SIAH1: variants seen among roughly 807,000 people sequenced by gnomAD.
SIAH1 encodes siah E3 ubiquitin protein ligase 1.
Under a neutral mutation model 20.0 loss-of-function variants are expected in SIAH1, and 2 were observed. The ratio of observed to expected loss-of-function variants is 0.10; its 90% CI spans 0.04 to 0.31. The LOEUF is 0.31. SIAH1 is among the 10% of genes least tolerant of loss of function. The probability of loss-of-function intolerance (pLI) is 1.00; values close to 1 mark genes in which losing one functional copy is unlikely to be tolerated. For synonymous variants in SIAH1, 118 were observed against 125.3 expected (o/e 0.94, Z 0.39); for missense variants, 119 against 355.3 (o/e 0.33, Z 5.35).
In SIAH1 at chr16:48,361,241, A is replaced by T; in HGVS notation, c.*339T>A. 1 of 268,794 alleles carries T rather than the reference A, an allele frequency of 3.7e-6. No homozygotes were observed. The highest frequency in any genetic ancestry group is 2.2e-5 in the African/African-American group (1 of 44,486). 16.7% of individuals were successfully genotyped at this position (268,794 alleles called of 1,614,324 possible). ...CACGCACACACCCACGCAGGCACAC[A>T]CTCCCACGCAAAAACAAACTTTTTC... On this transcript the variant is annotated 3_prime_UTR_variant, in exon 2 of 2. Coordinates refer to ENST00000394725, the MANE Select transcript of SIAH1 (RefSeq NM_003031.4).
rs746228969 is a variant in SIAH1 at position 48,360,969 on chromosome 16, C to T, written c.*611G>A. 7.9e-5 allele frequency: 12 copies of T among 151,900 alleles called. No individual in the cohort carries two copies. The highest frequency in any genetic ancestry group is 2.4e-4 in the African/African-American group (10 of 41,400). The allele number at this position is 151,900 out of a possible 1,614,324, so 9.4% of individuals were successfully genotyped here. A position where few individuals can be genotyped will look rare whatever the true frequency, so the allele number is the denominator to read the frequency against. ...ATGGGGGAAAAGAAAATATTGAACACGTTATAAATTTTTTACCATAAACAA... is the reference window on the plus strand; with the variant it reads ...ATGGGGGAAAAGAAAATATTGAACATGTTATAAATTTTTTACCATAAACAA... On this transcript the variant is annotated 3_prime_UTR_variant, in exon 2 of 2. Transcript: ENST00000394725.
intron 1 of SIAH1, among the ~76,000 whole-genome samples, chr16:48,368,990 T>C (rs1157091329): frequency 1.3e-5 from 2 of 152,204 alleles, no homozygotes; most frequent in African/African-American, 2.4e-5. Flanking sequence ...GCAGGTATTA[T>C]GTAGAAAATG....
chr16:48,365,738 T>G (rs1960810374), intron 1 of SIAH1: 1 of 1,377,612 alleles, frequency 7.3e-7, no homozygotes, highest in Non-Finnish European at 9.4e-7. Flanking sequence ...TCCTCCAATG[T>G]GCCCTAAGCT....
chr16:48,373,918 C>T (rs1256657170), intron 1 of SIAH1, among the ~76,000 whole-genome samples: 1 of 152,112 alleles, frequency 6.6e-6, no homozygotes, highest in Non-Finnish European at 1.5e-5. Flanking sequence ...TAGGTTGCTC[C>T]TTTGGGCCTG....
At chr16:48,370,163 A>C (rs1272868519) in intron 1 of SIAH1, among the ~76,000 whole-genome samples, 1 of 152,186 alleles carries the variant, frequency 6.6e-6, no homozygotes, top group Non-Finnish European at 1.5e-5. Context: ...AGGTATCCTC[A>C]ATCTCCAGCA....
chr16:48,384,798 C>T (rs1354548875), intron 1 of SIAH1, among the ~76,000 whole-genome samples: 6 of 150,540 alleles, frequency 4.0e-5, no homozygotes, highest in African/African-American at 9.7e-5. Context: ...GGCCGCACAC[C>T]CCGGGACCCT....
In SIAH1 at chr16:48,362,353, TC is replaced by T. The variant is rs1409745579; in HGVS notation, c.75del (p.Thr26LeufsTer82). On this transcript the variant is annotated frameshift_variant, in exon 2 of 2. Coordinates refer to ENST00000394725, the MANE Select transcript of SIAH1 (RefSeq NM_003031.4). LOFTEE classifies it high-confidence loss of function. This position sits in a 1 kb window ranked among gnomAD's most constrained non-coding sequence, Gnocchi z 4.2. The part of the protein sequence containing the change: ...KCPPSQRVPA[L>X]TGTTASNNDL... ...TCATTGTTGGATGCAGTTGTGCCAG[TC>T]AGGGCAGGCACCCTCTGGGATGGTG... 6.2e-7 allele frequency: 1 copy of T among 1,614,184 alleles called. No individual in the cohort carries two copies.
rs368653289 is a variant in SIAH1, at chr16:48,370,669, G to A, written c.-2-8239C>T. 9.9e-5 allele frequency among the ~76,000 whole-genome samples: 15 copies of A among 152,162 alleles called. No homozygotes were observed. The South Asian group carries it at 1.7e-3, about 17-fold the overall frequency. On this transcript the variant is annotated intron_variant, in intron 1 of 1. Coordinates refer to ENST00000394725, the MANE Select transcript of SIAH1 (RefSeq NM_003031.4). ...AAAATACAAAAAATTAGCCAGGCGC[G>A]GTGGCGGGCGCCTGTAGTCCCAGCT...
At chr16:48,384,846 G>A (rs1037247609) in intron 1 of SIAH1, among the ~76,000 whole-genome samples, 7 of 147,006 alleles carry the variant, frequency 4.8e-5, no homozygotes, top group Admixed American at 1.3e-4. Flanking sequence ...GGGGCGCGCC[G>A]GGCGCCACCC....
upstream of SIAH1, chr16:48,386,908 C>T (rs1185683376): frequency 1.3e-5 from 2 of 152,266 alleles, no homozygotes; most frequent in Non-Finnish European, 2.9e-5. Context: ...AACTTGCCAA[C>T]GTGGCGATTA....
chr16:48,368,422 G>A (rs749567433), intron 1 of SIAH1, among the ~76,000 whole-genome samples: 4 of 152,204 alleles, frequency 2.6e-5, no homozygotes, highest in Non-Finnish European at 5.9e-5. Context: ...ACAGCTGGGC[G>A]TGGTGGCTCA....
chr16:48,370,025 CTAAG>C (rs1279938229), intron 1 of SIAH1, among the ~76,000 whole-genome samples: 4 of 152,228 alleles, frequency 2.6e-5, no homozygotes, highest in African/African-American at 9.6e-5. Flanking sequence ...TCTCTAAGAA[CTAAG>C]TAAGCTATGC....
rs914900136 is a variant in SIAH1, at chr16:48,370,731, G to A, written c.-2-8301C>T. On this transcript the variant is annotated intron_variant, in intron 1 of 1. Transcript: ENST00000394725. ...TGAGGCAGGAGAATGGCGTGAATCCGGGAGGCGGAGCTCGAAGTGAGCCCA... is the reference window on the plus strand; with the variant it reads ...TGAGGCAGGAGAATGGCGTGAATCCAGGAGGCGGAGCTCGAAGTGAGCCCA... Among the ~76,000 whole-genome samples the A allele has an allele frequency of 4.0e-5, 6 of 151,850 alleles. No individual in the cohort carries two copies. In the South Asian group the frequency reaches 1.0e-3, roughly 26 times the overall value.
chr16:48,365,677 G>C (rs1162032946), intron 1 of SIAH1: 10 of 1,426,804 alleles, frequency 7.0e-6, no homozygotes, highest in Non-Finnish European at 7.3e-6. Flanking sequence ...ACACCTCCCT[G>C]TGAGCTCAAA....
chr16:48,386,702 G>C (rs565695588), upstream of SIAH1, among the ~76,000 whole-genome samples: 51 of 152,270 alleles, frequency 3.3e-4, 1 homozygote, highest in South Asian at 0.01. Flanking sequence ...ATAGAGTTCG[G>C]TTCACTTCAG....
At chr16:48,370,723 G>A (rs1001751875) in intron 1 of SIAH1, among the ~76,000 whole-genome samples, 5 of 151,144 alleles carry the variant, frequency 3.3e-5, no homozygotes, top group East Asian at 1.9e-4. Context: ...GGAGAATGGC[G>A]TGAATCCGGG....
At chr16:48,386,935 G>C (rs965522262), upstream of SIAH1, 2 of 152,254 alleles carry the variant, frequency 1.3e-5, no homozygotes, top group Non-Finnish European at 2.9e-5. Context: ...TAAACACCCG[G>C]CTTTGCCAAA....
chr16:48,384,949 C>T (rs1961407140), intron 1 of SIAH1, among the ~76,000 whole-genome samples: 1 of 145,924 alleles, frequency 6.9e-6, no homozygotes, highest in South Asian at 2.1e-4. Flanking sequence ...CCGACCCCCG[C>T]CGCCACCCCG....
chr16:48,365,887 C>T, intron 1 of SIAH1: 1 of 1,235,676 alleles, frequency 8.1e-7, no homozygotes, highest in Non-Finnish European at 1.0e-6. Flanking sequence ...AGAGTTACTG[C>T]AGGAGCCTGC....
Sources: gnomAD v4.1 joint callset for allele counts (sites outside exome capture counted in the v4.1 genomes callset) on GRCh38, gnomAD v4.1.1 for gene constraint, Gnocchi (gnomAD v3.1) non-coding constraint, MANE v1.5 for transcripts, NCBI Gene and HGNC (gene_info 2026-07-23, HGNC 2026-07-21) for gene names.